MYO18B: variants seen among roughly 807,000 people sequenced by gnomAD.
MYO18B encodes the protein myosin XVIIIB, also known as unconventional myosin-XVIIIb.
MYO18B carries 204 observed loss-of-function variants against 273.0 expected under a neutral mutation model. The ratio of observed to expected loss-of-function variants is 0.75; its 90% CI spans 0.67 to 0.84. MYO18B has a LOEUF of 0.84. MYO18B is among the 40% of genes least tolerant of loss of function. The probability of loss-of-function intolerance (pLI) is 0.00; values close to 1 mark genes in which losing one functional copy is unlikely to be tolerated. For missense variants in MYO18B, 3,212 were observed against 3,287.6 expected (o/e 0.98, Z 0.56); for synonymous variants, 1,330 against 1,305.7 (o/e 1.02, Z -0.40).
chr22:26,037,643 T>G, the MYO18B span, among the ~76,000 whole-genome samples: 1 of 152,212 alleles, frequency 6.6e-6, no homozygotes, highest in Non-Finnish European at 1.5e-5. Flanking sequence ...TATTGTTCAC[T>G]TCAATCTCAA....
intron 2 of MYO18B, chr22:25,763,013 A>G (rs1479677216): frequency 2.7e-6 from 2 of 727,920 alleles, no homozygotes; most frequent in Admixed American, 3.5e-5. Context: ...TGACCCGCAT[A>G]ATTCCTGGCT....
chr22:25,989,013 G>A (rs1450875660), intron 39 of MYO18B, among the ~76,000 whole-genome samples: 1 of 152,078 alleles, frequency 6.6e-6, no homozygotes, highest in Non-Finnish European at 1.5e-5. Flanking sequence ...AGTCCCAGCC[G>A]AGGCCCACCC....
At chr22:25,914,403 A>C (rs1183109967) in intron 33 of MYO18B, among the ~76,000 whole-genome samples, 1 of 152,024 alleles carries the variant, frequency 6.6e-6, no homozygotes, top group Non-Finnish European at 1.5e-5. Context: ...GCTTTCAGTA[A>C]TGTTTTATTA....
At chr22:26,025,367 A>G (rs7290026) in intron 42 of MYO18B, among the ~76,000 whole-genome samples, 19,603 of 152,148 alleles carry the variant, frequency 0.13, 2,385 homozygotes, top group African/African-American at 0.31. Context: ...TGGGTAAGCA[A>G]GAAGTCTTCC....
intron 23 of MYO18B, among the ~76,000 whole-genome samples, 181 bp from the exon 24 acceptor site, chr22:25,876,008 G>A (rs1275683827): frequency 4.1e-5 from 4 of 96,618 alleles, no homozygotes; most frequent in African/African-American, 1.8e-4. Flanking sequence ...AAGCCCGTGT[G>A]TGTGTGTGTG....
the MYO18B span, among the ~76,000 whole-genome samples, chr22:26,044,337 C>T: frequency 3.9e-5 from 6 of 152,058 alleles, no homozygotes; most frequent in South Asian, 2.1e-4. Flanking sequence ...TTGGTAAAGC[C>T]GGTTTATTAT....
chr22:26,015,956 G>A (rs1935295805), intron 42 of MYO18B, among the ~76,000 whole-genome samples: 1 of 152,158 alleles, frequency 6.6e-6, no homozygotes, highest in Admixed American at 6.5e-5. Context: ...CTGTCTTCAT[G>A]ACACTCAATA....
At position 25,768,469 on chromosome 22, in the gene MYO18B, A is replaced by G. The variant is rs559330056; in HGVS notation, c.553A>G (p.Thr185Ala). ...CCCTTGCAAGACCTCTCCCCCCGCCACAGATACTGGAAAGGAAAAGAAAGG... is the reference window on the plus strand; with the variant it reads ...CCCTTGCAAGACCTCTCCCCCCGCCGCAGATACTGGAAAGGAAAAGAAAGG... ...APPCKTSPPA[T>A]DTGKEKKGET... Residue 185 changes from threonine (T) to alanine (A), a missense_variant, in exon 4 of 44, where the codon ACA becomes GCA. Thr to Ala is a moderately conservative substitution (Grantham distance 58). Transcript: ENST00000335473. 1 of 1,452,974 alleles carries G rather than the reference A, an allele frequency of 6.9e-7. No individual in the cohort carries two copies. Among genetic ancestry groups the G allele is most frequent in the South Asian group, 1.1e-5 (1 of 88,230 alleles). 90.0% of individuals were successfully genotyped at this position (1,452,974 alleles called of 1,614,324 possible).
At chr22:25,881,589 G>T (rs1463658498) in intron 25 of MYO18B, among the ~76,000 whole-genome samples, 1 of 152,142 alleles carries the variant, frequency 6.6e-6, no homozygotes, top group Non-Finnish European at 1.5e-5. Flanking sequence ...CTGTCAGGTT[G>T]GATTTGCCAT....
Position 25,772,412 on chromosome 22 carries a change from C to T in MYO18B, c.1771C>T (p.Leu591Phe). The change falls in exon 7 of 44, where the codon CTT (leucine) becomes TTT (phenylalanine). Residue 591 changes from leucine (L) to phenylalanine (F), a missense_variant. Coordinates refer to ENST00000335473, the MANE Select transcript of MYO18B (RefSeq NM_032608.7). ...CAACGAATCCAGTGTCCTGAACACG[C>T]TTCTGCAGCGCTACAAAGCTCAGCT... ...SVNESSVLNT[L>F]LQRYKAQLLH... The T allele has an allele frequency of 6.2e-7, 1 of 1,614,046 alleles. No homozygotes were observed. Among genetic ancestry groups the T allele is most frequent in the Non-Finnish European group, 8.5e-7 (1 of 1,179,896 alleles).
chr22:25,976,608 C>T (rs761737895), intron 39 of MYO18B, among the ~76,000 whole-genome samples: 11 of 152,058 alleles, frequency 7.2e-5, no homozygotes, highest in African/African-American at 9.7e-5. Context: ...TTGCATGCTC[C>T]GTTTTCTCTG....
At chr22:25,757,398 C>G (rs2086157285) in intron 1 of MYO18B, among the ~76,000 whole-genome samples, 2 of 152,034 alleles carry the variant, frequency 1.3e-5, no homozygotes, top group African/African-American at 4.8e-5. Flanking sequence ...GAGTTCGAGA[C>G]TAGCCTGGCC....
At chr22:25,769,616 C>T (rs528993405) in intron 4 of MYO18B, among the ~76,000 whole-genome samples, 188 bp downstream of exon 4, 1 of 152,268 alleles carries the variant, frequency 6.6e-6, no homozygotes, top group African/African-American at 2.4e-5. Context: ...GAGCAGAAGT[C>T]TTGAAGTTTC....
chr22:25,981,869 G>A (rs1221275436), intron 39 of MYO18B, among the ~76,000 whole-genome samples: 5 of 152,250 alleles, frequency 3.3e-5, no homozygotes, highest in Non-Finnish European at 7.3e-5. Context: ...CTCAGCGGGT[G>A]TATTAGTCCG....
intron 40 of MYO18B, among the ~76,000 whole-genome samples, chr22:25,998,759 T>C (rs1933618189): frequency 6.6e-6 from 1 of 152,208 alleles, no homozygotes; most frequent in Admixed American, 6.5e-5. Flanking sequence ...TTGTCCCCTA[T>C]GAGTAATGAA....
chr22:25,860,094 T>C (rs2090687307), intron 21 of MYO18B, among the ~76,000 whole-genome samples: 1 of 152,248 alleles, frequency 6.6e-6, no homozygotes, highest in Non-Finnish European at 1.5e-5. Flanking sequence ...AAGACTATTA[T>C]CATTTCTCCC....
At chr22:26,042,898 A>T in the MYO18B span, among the ~76,000 whole-genome samples, 9 of 152,206 alleles carry the variant, frequency 5.9e-5, no homozygotes, top group South Asian at 2.1e-4. Flanking sequence ...AATCACAATG[A>T]CCATAGCTCA....
At chr22:25,919,953 A>G (rs1167914817) in intron 33 of MYO18B, among the ~76,000 whole-genome samples, 1 of 152,162 alleles carries the variant, frequency 6.6e-6, no homozygotes, top group Non-Finnish European at 1.5e-5. Context: ...TCTTATCTCA[A>G]CACGAAGGAT....
At position 26,026,452 on chromosome 22, in the gene MYO18B, G is replaced by A. The variant is rs371851187; in HGVS notation, c.6478G>A (p.Glu2160Lys). 59 of 1,605,072 alleles carry A rather than the reference G, an allele frequency of 3.7e-5. No homozygotes were observed. Among genetic ancestry groups the A allele is most frequent in the Admixed American group, 1.2e-4 (7 of 58,622 alleles). ...SSRILSPRIN[E>K]EAGDTERTQS... is the part of the protein sequence containing the mutation. ...TTTTTCTTCTTGGCACAGGATAAAC[G>A]AAGAGGCTGGGGACACTGAGAGGAC... The change falls in exon 43 of 44, where the codon GAA becomes AAA. Residue 2160 changes from glutamate to lysine, a missense_variant. By Grantham distance (56) the Glu-to-Lys change is moderately conservative. Coordinates refer to ENST00000335473, the MANE Select transcript of MYO18B (RefSeq NM_032608.7).
Sources: gnomAD v4.1 joint callset for allele counts (sites outside exome capture counted in the v4.1 genomes callset) on GRCh38, gnomAD v4.1.1 for gene constraint, MANE v1.5 for transcripts, NCBI Gene and HGNC (gene_info 2026-07-23, HGNC 2026-07-21) for gene names.